STK32B: variants seen among roughly 807,000 people sequenced by gnomAD.
STK32B encodes the protein serine/threonine-protein kinase 32B.
STK32B carries 43 observed loss-of-function variants against 52.6 expected under a neutral mutation model. The observed-to-expected ratio is 0.82, with a 90% CI of 0.64 to 1.05. The LOEUF (loss-of-function observed/expected upper bound fraction) is 1.05. Among genes scored for constraint, STK32B ranks in the 50% least tolerant of loss-of-function variants. The pLI, the probability that STK32B is intolerant of heterozygous loss-of-function variation, is 0.00. For missense variants in STK32B, 621 were observed against 534.6 expected, an observed-to-expected ratio of 1.16 and a Z score of -1.59; for synonymous variants, 238 against 204.3, an observed-to-expected ratio of 1.17 and a Z score of -1.41.
intron 3 of STK32B, among the ~76,000 whole-genome samples, chr4:5,188,738 GAAGA>G (rs1369824083): frequency 6.6e-6 from 1 of 150,510 alleles, no homozygotes; most frequent in African/African-American, 2.4e-5. Flanking sequence ...CACACAACTA[GAAGA>G]AAGATGTCTC....
chr4:5,194,404 G>A (rs1362816217), intron 3 of STK32B, among the ~76,000 whole-genome samples: 4 of 152,158 alleles, frequency 2.6e-5, no homozygotes, highest in African/African-American at 9.7e-5. Flanking sequence ...CTCTCATTGG[G>A]CGGAGATTCT....
intron 5 of STK32B, among the ~76,000 whole-genome samples, chr4:5,407,209 C>G (rs1323316277): frequency 6.6e-6 from 1 of 152,138 alleles, no homozygotes; most frequent in Non-Finnish European, 1.5e-5. Context: ...AAAAAGTGAC[C>G]TTTGCTCCAG....
intron 1 of STK32B, among the ~76,000 whole-genome samples, chr4:5,119,569 C>T (rs1014238538): frequency 7.9e-5 from 12 of 152,238 alleles, no homozygotes; most frequent in Non-Finnish European, 1.3e-4. Context: ...CTCCAGGCTT[C>T]TGTTCTCAAG....
Position 5,495,765 on chromosome 4 carries a change from C to A in STK32B, c.1107-3180C>A, listed in dbSNP as rs550419564. 3.7e-4 allele frequency among the ~76,000 whole-genome samples: 57 copies of A among 152,118 alleles called. 1 individual carries two copies. In the Middle Eastern group the frequency reaches 0.014, roughly 36 times the overall value. On this transcript the variant is annotated intron_variant, in intron 11 of 11. Transcript: ENST00000282908. Reference sequence around the variant, plus strand: ...ACAGATGGGTTTTTGGTGTGGATGTCCTTTCTGTTTGTTAGTTTTCCTTCT... The same window carrying A: ...ACAGATGGGTTTTTGGTGTGGATGTACTTTCTGTTTGTTAGTTTTCCTTCT...
At chr4:5,253,247 A>G (rs1171558228) in intron 3 of STK32B, among the ~76,000 whole-genome samples, 1 of 152,046 alleles carries the variant, frequency 6.6e-6, no homozygotes, top group East Asian at 1.9e-4. Flanking sequence ...GCTTGAAGAA[A>G]GCCTACCTGG....
At chr4:5,167,460 C>T (rs934141659) in intron 2 of STK32B, among the ~76,000 whole-genome samples, 3 of 152,100 alleles carry the variant, frequency 2.0e-5, no homozygotes, top group Non-Finnish European at 4.4e-5. Flanking sequence ...TTCTCCTGTG[C>T]TCCCCCAGAA....
chr4:5,239,270 G>C (rs1193554165), intron 3 of STK32B, among the ~76,000 whole-genome samples: 2 of 152,178 alleles, frequency 1.3e-5, no homozygotes, highest in African/African-American at 4.8e-5. Context: ...ATTTTGTAAA[G>C]ATTTCTCTGG....
At chr4:5,403,278 T>G (rs1218938224) in intron 5 of STK32B, among the ~76,000 whole-genome samples, 1 of 152,184 alleles carries the variant, frequency 6.6e-6, no homozygotes, top group Non-Finnish European at 1.5e-5. Flanking sequence ...TCACTTCCTC[T>G]AATTCCCCTA....
intron 4 of STK32B, among the ~76,000 whole-genome samples, chr4:5,381,513 C>G (rs1436515481): frequency 6.6e-6 from 1 of 152,156 alleles, no homozygotes. Flanking sequence ...GAGATCATGC[C>G]CGTGCAGTAG....
At chr4:5,328,209 G>A (rs1732002144) in intron 3 of STK32B, among the ~76,000 whole-genome samples, 1 of 152,196 alleles carries the variant, frequency 6.6e-6, no homozygotes, top group Admixed American at 6.5e-5. Flanking sequence ...CTCCCTATCA[G>A]CAATAAGGCT....
chr4:5,200,932 C>T (rs966177821), intron 3 of STK32B, among the ~76,000 whole-genome samples: 13 of 152,168 alleles, frequency 8.5e-5, no homozygotes, highest in Admixed American at 6.5e-4. Context: ...ACCTTGAAGC[C>T]ACTGAGCCCC....
chr4:5,289,841 C>T lies in STK32B; in HGVS notation c.261-41379C>T, dbSNP rs77000040. On this transcript the variant is annotated intron_variant, in intron 3 of 11. Transcript: ENST00000282908. ...TACAAGCGTGATGAGCCACCACGCC[C>T]GGCCTATTTTATTCTCTTTTTAGAG... 6.8e-3 allele frequency among the ~76,000 whole-genome samples: 1,033 copies of T among 151,802 alleles called. 20 individuals carry two copies. The highest frequency in any genetic ancestry group is 0.017 in the Middle Eastern group (5 of 292).
intron 6 of STK32B, among the ~76,000 whole-genome samples, chr4:5,425,532 T>G (rs1395610002): frequency 4.6e-5 from 7 of 152,208 alleles, no homozygotes; most frequent in African/African-American, 1.7e-4. Flanking sequence ...TTCTATGGAC[T>G]GAAAACACAT....
chr4:5,100,787 C>CT (rs1713733874), intron 1 of STK32B, among the ~76,000 whole-genome samples: 1 of 107,082 alleles, frequency 9.3e-6, no homozygotes, highest in Admixed American at 1.1e-4. Flanking sequence ...CTTCTTCCTT[C>CT]CTTTATTCCT....
intron 7 of STK32B, among the ~76,000 whole-genome samples, chr4:5,454,515 C>T (rs143280542): frequency 6.6e-6 from 1 of 152,126 alleles, no homozygotes; most frequent in East Asian, 1.9e-4. Context: ...TCTAATGACT[C>T]GATTGGATTA....
intron 7 of STK32B, among the ~76,000 whole-genome samples, chr4:5,452,880 A>G (rs942499215): frequency 3.9e-5 from 6 of 152,134 alleles, no homozygotes; most frequent in African/African-American, 1.2e-4. Context: ...CCAGCAGTAC[A>G]TGGAATTACT....
At chr4:5,379,716 G>A (rs74284723) in intron 4 of STK32B, among the ~76,000 whole-genome samples, 8,869 of 152,190 alleles carry the variant, frequency 0.058, 609 homozygotes, top group African/African-American at 0.16. Context: ...GTGGGAGGAC[G>A]CAAGGCAAAG....
rs141979582 is a variant in STK32B, at chr4:5,199,388, G to T, written c.260+30938G>T. Among the ~76,000 whole-genome samples the T allele has an allele frequency of 5.3e-5, 8 of 152,210 alleles. No homozygotes were observed. The East Asian group carries it at 1.4e-3, about 26-fold the overall frequency. On this transcript the variant is annotated intron_variant, in intron 3 of 11. Coordinates refer to ENST00000282908, the MANE Select transcript of STK32B (RefSeq NM_018401.3). ...GTCATTAGCATATCTTTGTTGCTAT[G>T]TGACCATGAATTCCTGAATATTTGA...
intron 3 of STK32B, among the ~76,000 whole-genome samples, chr4:5,284,081 C>A (rs184563013): frequency 1.3e-5 from 2 of 152,036 alleles, no homozygotes; most frequent in East Asian, 3.9e-4. Context: ...ATTTTGAAAT[C>A]AAAATTGTAA....
Sources: gnomAD v4.1 joint callset for allele counts (sites outside exome capture counted in the v4.1 genomes callset) on GRCh38, gnomAD v4.1.1 for gene constraint, MANE v1.5 for transcripts, NCBI Gene and HGNC (gene_info 2026-07-23, HGNC 2026-07-21) for gene names.